Variants in GAS2 observed in about 807,000 individuals in gnomAD.
GAS2 encodes growth arrest-specific protein 2.
In GAS2, 20 loss-of-function variants were observed where a neutral mutation model predicts 37.5. That is an observed-to-expected ratio of 0.53 (90% CI 0.37 to 0.77). The LOEUF is 0.77. Ranked by LOEUF, GAS2 falls within the 30% of genes least tolerant of loss-of-function variation. The probability of loss-of-function intolerance (pLI) is 0.00; values close to 1 mark genes in which losing one functional copy is unlikely to be tolerated. For missense variants in GAS2, 336 were observed against 373.4 expected (o/e 0.90, Z 0.82); for synonymous variants, 144 against 132.2 (o/e 1.09, Z -0.61).
At chr11:22,799,347 G>A (rs1856562484) in intron 7 of GAS2, among the ~76,000 whole-genome samples, 1 of 152,088 alleles carries the variant, frequency 6.6e-6, no homozygotes, top group African/African-American at 2.4e-5. Context: ...TATTACTGCT[G>A]TAAACCATGT....
At chr11:22,792,775 G>A (rs1856234412) in intron 7 of GAS2, among the ~76,000 whole-genome samples, 2 of 152,226 alleles carry the variant, frequency 1.3e-5, no homozygotes, top group African/African-American at 2.4e-5. Flanking sequence ...GACATAGTCA[G>A]TGATGAATTG....
chr11:22,757,562 T>G (rs559498009), intron 7 of GAS2, among the ~76,000 whole-genome samples: 2 of 152,314 alleles, frequency 1.3e-5, no homozygotes, highest in South Asian at 4.1e-4. Context: ...ATTCACTGAT[T>G]AGTCCAGCAA....
At chr11:22,660,526 G>C (rs1198123281) in intron 1 of GAS2, among the ~76,000 whole-genome samples, 1 of 152,158 alleles carries the variant, frequency 6.6e-6, no homozygotes, top group African/African-American at 2.4e-5. Flanking sequence ...CCACTTTACA[G>C]ATGTGAAAAC....
chr11:22,779,942 A>G, intron 7 of GAS2, among the ~76,000 whole-genome samples: 1 of 152,142 alleles, frequency 6.6e-6, no homozygotes, highest in Admixed American at 6.5e-5. Context: ...TTCTTTCATG[A>G]CATTCATGAT....
intron 6 of GAS2, among the ~76,000 whole-genome samples, chr11:22,751,847 C>G (rs893379188): frequency 6.6e-6 from 1 of 151,926 alleles, no homozygotes; most frequent in Non-Finnish European, 1.5e-5. Flanking sequence ...AAAGATTTTC[C>G]ATACAATAGT....
At chr11:22,782,960 C>T (rs971124302) in intron 7 of GAS2, among the ~76,000 whole-genome samples, 8 of 151,996 alleles carry the variant, frequency 5.3e-5, no homozygotes, top group Non-Finnish European at 1.0e-4. Flanking sequence ...TAGGTACATA[C>T]CCAGTCTTGG....
chr11:22,741,540 T>C (rs1361557096), intron 5 of GAS2, among the ~76,000 whole-genome samples: 2 of 152,160 alleles, frequency 1.3e-5, no homozygotes, highest in African/African-American at 4.8e-5. Flanking sequence ...AATTTTATTT[T>C]TTAGTATTTC....
chr11:22,790,433 A>G (rs751807888), intron 7 of GAS2, among the ~76,000 whole-genome samples: 21 of 152,266 alleles, frequency 1.4e-4, no homozygotes, highest in Non-Finnish European at 2.6e-4. Flanking sequence ...TCTGCACCTG[A>G]TTTCCCTCAG....
chr11:22,668,828 C>T (rs1437874804), intron 1 of GAS2, among the ~76,000 whole-genome samples: 1 of 152,174 alleles, frequency 6.6e-6, no homozygotes, highest in Non-Finnish European at 1.5e-5. Flanking sequence ...TTTAAAACTG[C>T]AGGGCATGTT....
At chr11:22,764,707 T>C (rs1854593511) in intron 7 of GAS2, among the ~76,000 whole-genome samples, 1 of 152,222 alleles carries the variant, frequency 6.6e-6, no homozygotes, top group South Asian at 2.1e-4. Context: ...TATTCTAATT[T>C]AAGTTAGAGA....
chr11:22,668,676 C>A (rs1849084641), intron 1 of GAS2, among the ~76,000 whole-genome samples: 1 of 152,182 alleles, frequency 6.6e-6, no homozygotes, highest in Admixed American at 6.5e-5. Context: ...CTTATATTAA[C>A]CCTAAGTATG....
intron 1 of GAS2, among the ~76,000 whole-genome samples, chr11:22,655,596 C>G (rs942611714): frequency 5.9e-5 from 9 of 152,182 alleles, no homozygotes; most frequent in African/African-American, 1.2e-4. Flanking sequence ...GTGGAAATTA[C>G]CAATTTTCTT....
rs1191913442 is a variant in GAS2, at chr11:22,690,153, TAAG to T, written c.267+4365_267+4367del. Among the ~76,000 whole-genome samples, 3 of 152,140 alleles carry T rather than the reference TAAG, an allele frequency of 2.0e-5. No individual in the cohort carries two copies. The East Asian group carries it at 5.8e-4, about 29-fold the overall frequency. On this transcript the variant is annotated intron_variant, in intron 3 of 7. Coordinates refer to ENST00000454584, the MANE Select transcript of GAS2 (RefSeq NM_001143830.3). ...AGCTGTGTAAACAAATTTGAACGAG[TAAG>T]TTATGCCTGGTATGTGTGAAGTATG... is the stretch of plus-strand genomic sequence containing the variant.
chr11:22,650,347 C>A (rs1056992161), intron 1 of GAS2, among the ~76,000 whole-genome samples: 2 of 150,374 alleles, frequency 1.3e-5, no homozygotes, highest in Non-Finnish European at 3.0e-5. Context: ...AGTATGTGGT[C>A]AATTTTGGAA....
chr11:22,746,436 A>G (rs1257386556), intron 5 of GAS2, among the ~76,000 whole-genome samples: 1 of 152,246 alleles, frequency 6.6e-6, no homozygotes, highest in Non-Finnish European at 1.5e-5. Flanking sequence ...ACCGTTCACA[A>G]TAGCAAAGAT....
intron 7 of GAS2, among the ~76,000 whole-genome samples, chr11:22,809,754 A>C (rs542486782): frequency 6.6e-6 from 1 of 151,348 alleles, no homozygotes; most frequent in East Asian, 2.0e-4. Flanking sequence ...TCGGCCTCCC[A>C]AAGTGTTGAG....
At chr11:22,749,866 A>T (rs996226271) in intron 6 of GAS2, among the ~76,000 whole-genome samples, 1 of 152,066 alleles carries the variant, frequency 6.6e-6, no homozygotes, top group Non-Finnish European at 1.5e-5. Flanking sequence ...TAACAGAATC[A>T]CAGTAAACCG....
chr11:22,706,181 A>C (rs1851107443), intron 3 of GAS2, among the ~76,000 whole-genome samples: 1 of 152,188 alleles, frequency 6.6e-6, no homozygotes, highest in Admixed American at 6.6e-5. Flanking sequence ...TTAAAATGAC[A>C]ACATTAGCAG....
intron 7 of GAS2, among the ~76,000 whole-genome samples, chr11:22,788,168 G>A (rs1264896778): frequency 1.3e-5 from 2 of 152,162 alleles, no homozygotes; most frequent in Admixed American, 6.5e-5. Context: ...TGTGAGTCTT[G>A]CATGTTAATT....
Sources: gnomAD v4.1 joint callset for allele counts (sites outside exome capture counted in the v4.1 genomes callset) on GRCh38, gnomAD v4.1.1 for gene constraint, MANE v1.5 for transcripts, NCBI Gene and HGNC (gene_info 2026-07-23, HGNC 2026-07-21) for gene names.